Variants in FAM107A observed in about 807,000 individuals in gnomAD.
FAM107A encodes actin-associated protein FAM107A.
A neutral mutation model predicts 13.7 loss-of-function variants in FAM107A; 19 were observed. The ratio of observed to expected loss-of-function variants is 1.38; its 90% CI spans 0.97 to 2.03. FAM107A has a LOEUF of 2.03. Among genes scored for constraint, FAM107A ranks in the 30% most tolerant of loss-of-function variants. FAM107A has a pLI of 0.00. For synonymous variants in FAM107A, 82 were observed against 74.5 expected, an observed-to-expected ratio of 1.10 and a Z score of -0.52; for missense variants, 203 against 184.4, an observed-to-expected ratio of 1.10 and a Z score of -0.58.
chr3:58,607,081 C>T (rs919636268), intron 1 of FAM107A: 1 of 152,262 alleles, frequency 6.6e-6, no homozygotes, highest in East Asian at 1.9e-4. Flanking sequence ...TAACCCAGGG[C>T]TCCTGCAACC....
In FAM107A at chr3:58,569,686, C is replaced by T. The variant is rs376866149; in HGVS notation, c.170+5G>A. 1.2e-6 allele frequency: 2 copies of T among 1,611,050 alleles called. No individual in the cohort carries two copies. Among genetic ancestry groups the T allele is most frequent in the Non-Finnish European group, 1.7e-6 (2 of 1,178,882 alleles). On this transcript the variant is annotated splice_donor_5th_base_variant and intron_variant, in intron 2 of 3. Coordinates refer to ENST00000360997, the MANE Select transcript of FAM107A (RefSeq NM_001076778.3). The surrounding 1 kb of genome is among the most constrained non-coding windows in gnomAD (Gnocchi z 5.7). ...GGGGCCCAGGCAGCAGGGCTTCATC[C>T]CTACCTTCTGTGGTTCATGAGCAGC...
exon 1 of FAM107A, chr3:58,587,060 G>C: frequency 7.3e-7 from 1 of 1,364,834 alleles, no homozygotes; most frequent in African/African-American, 1.5e-5. Context: ...CCCCGCTGAG[G>C]GTCAAGTTAC....
At chr3:58,615,551 G>A (rs2065893453) in intron 1 of FAM107A, among the ~76,000 whole-genome samples, 1 of 152,138 alleles carries the variant, frequency 6.6e-6, no homozygotes, top group African/African-American at 2.4e-5. Flanking sequence ...GGTAAGCTCT[G>A]TGAAGGAACT....
chr3:58,603,209 C>T (rs562623451), intron 1 of FAM107A, among the ~76,000 whole-genome samples: 2 of 152,120 alleles, frequency 1.3e-5, no homozygotes, highest in African/African-American at 4.8e-5. Flanking sequence ...CAACACTGTC[C>T]CCTGCGCTTG....
At chr3:58,608,020 C>T (rs2065812573) in intron 1 of FAM107A, 2 of 152,148 alleles carry the variant, frequency 1.3e-5, no homozygotes, top group African/African-American at 4.8e-5. Context: ...TTTGTGGTCA[C>T]TTGTTACGCA....
upstream of FAM107A, among the ~76,000 whole-genome samples, chr3:58,580,959 G>A (rs1296026993): frequency 5.9e-5 from 9 of 151,972 alleles, no homozygotes; most frequent in Non-Finnish European, 1.3e-4. Flanking sequence ...ATCACATCTG[G>A]CTCAGTTATG....
intron 1 of FAM107A, among the ~76,000 whole-genome samples, chr3:58,603,279 G>A (rs1403812315): frequency 6.6e-6 from 1 of 152,142 alleles, no homozygotes; most frequent in East Asian, 1.9e-4. Flanking sequence ...AGAATAATGA[G>A]AAGGAGGACA....
At position 58,566,543 on chromosome 3, in the gene FAM107A, C is replaced by T; in HGVS notation, c.*45G>A. ...CCAGGTACAGAAGGGCTGAAGGAGG[C>T]TGTCCAGGCCAGGGTGGGCAGTGGC... On this transcript the variant is annotated 3_prime_UTR_variant, in exon 4 of 4. Coordinates refer to ENST00000360997, the MANE Select transcript of FAM107A (RefSeq NM_001076778.3). The T allele has an allele frequency of 7.0e-7, 1 of 1,420,912 alleles. No individual in the cohort carries two copies. The highest frequency in any genetic ancestry group is 1.7e-5 in the Admixed American group (1 of 59,660). 88.0% of individuals were successfully genotyped at this position (1,420,912 alleles called of 1,614,324 possible).
chr3:58,626,929 TCCCATGACCAGGGC>T, intron 1 of FAM107A: 7 of 1,533,350 alleles, frequency 4.6e-6, no homozygotes, highest in Non-Finnish European at 6.1e-6. Flanking sequence ...CAGTCTCCCT[TCCCATGACCAGGGC>T]CCCAACAGGA....
chr3:58,580,671 C>T (rs527377016), upstream of FAM107A, among the ~76,000 whole-genome samples: 2 of 152,048 alleles, frequency 1.3e-5, no homozygotes, highest in East Asian at 3.9e-4. Flanking sequence ...GCTTCAGCCT[C>T]CCAAAGTGCT....
At chr3:58,616,751 G>A (rs991124644) in intron 1 of FAM107A, among the ~76,000 whole-genome samples, 1 of 152,086 alleles carries the variant, frequency 6.6e-6, no homozygotes, top group Admixed American at 6.5e-5. Context: ...AACTGTGCGA[G>A]AATAAACTGT....
intron 1 of FAM107A, among the ~76,000 whole-genome samples, chr3:58,597,361 G>A (rs571208620): frequency 4.6e-5 from 7 of 152,338 alleles, no homozygotes; most frequent in African/African-American, 1.7e-4. Flanking sequence ...CATACACAAT[G>A]CTTTGGATTG....
rs556141181 is a variant in FAM107A, at chr3:58,602,242, A to G, written c.-69-12973T>C. Among the ~76,000 whole-genome samples, 6 of 152,240 alleles carry G rather than the reference A, an allele frequency of 3.9e-5. No homozygotes were observed. In the East Asian group the frequency reaches 1.2e-3, roughly 29 times the overall value. On this transcript the variant is annotated intron_variant, in intron 1 of 3. Transcript: ENST00000465970. Reference sequence around the variant, plus strand: ...CTCTGCCTCCCCAGAAATCAAAGAAAATGCACGCTCAAGCAACAATGGGGT... The same window carrying G: ...CTCTGCCTCCCCAGAAATCAAAGAAGATGCACGCTCAAGCAACAATGGGGT...
At chr3:58,584,249 T>C (rs894391285) in intron 1 of FAM107A, among the ~76,000 whole-genome samples, 6 of 152,198 alleles carry the variant, frequency 3.9e-5, no homozygotes, top group Admixed American at 1.3e-4. Context: ...GGGGTTTCCA[T>C]TACTCTGCTC....
chr3:58,575,229 C>T (rs2063720962), intron 1 of FAM107A, among the ~76,000 whole-genome samples: 1 of 152,178 alleles, frequency 6.6e-6, no homozygotes, highest in Non-Finnish European at 1.5e-5. Flanking sequence ...CAATCCTTCC[C>T]AGCTGTGTTA....
chr3:58,580,052 A>G (rs963298140), upstream of FAM107A, among the ~76,000 whole-genome samples: 1 of 152,142 alleles, frequency 6.6e-6, no homozygotes, highest in Non-Finnish European at 1.5e-5. Context: ...TGCAGGTGCA[A>G]CTGTACGTGA....
In FAM107A at chr3:58,613,397, C is replaced by A. The variant is rs995587930; in HGVS notation, c.-70+14019G>T. Among the ~76,000 whole-genome samples the A allele has an allele frequency of 9.9e-5, 15 of 152,116 alleles. No homozygotes were observed. The highest frequency in any genetic ancestry group is 7.2e-4 in the Admixed American group (11 of 15,280). The stretch of plus-strand genomic sequence containing the variant: ...TCTAGTGAGCTGACCTCAGCCCTCC[C>A]GTGCCAAGATCCTTGGCCTGGTTCC... On this transcript the variant is annotated intron_variant, in intron 1 of 3. Transcript: ENST00000465970. This position sits in a 1 kb window ranked among gnomAD's most constrained non-coding sequence, Gnocchi z 4.6.
intron 1 of FAM107A, among the ~76,000 whole-genome samples, chr3:58,602,688 GA>G (rs1222832077): frequency 1.3e-5 from 2 of 151,950 alleles, no homozygotes; most frequent in Non-Finnish European, 2.9e-5. Context: ...AAAATTAAGT[GA>G]AAAAAACAGG....
At chr3:58,577,916 T>C (rs535460088), upstream of FAM107A, among the ~76,000 whole-genome samples, 63 of 152,272 alleles carry the variant, frequency 4.1e-4, no homozygotes, top group African/African-American at 1.5e-3. The surrounding 1 kb of genome is among the most constrained non-coding windows in gnomAD (Gnocchi z 4.9). Flanking sequence ...TTGAATGTCA[T>C]TGGAACTTCA....
Sources: allele counts gnomAD v4.1 joint callset (sites outside exome capture counted in the v4.1 genomes callset), GRCh38; gene constraint gnomAD v4.1.1; non-coding constraint Gnocchi (gnomAD v3.1); transcripts MANE v1.5; gene names NCBI Gene and HGNC (gene_info 2026-07-23, HGNC 2026-07-21).